The following AFAP1L1 variants were observed in gnomAD, a reference collection of about 807,000 sequenced individuals.
The protein encoded by AFAP1L1 is actin filament associated protein 1 like 1, also known as actin filament-associated protein 1-like 1.
In AFAP1L1, 77 loss-of-function variants were observed where a neutral mutation model predicts 99.8. The ratio of observed to expected loss-of-function variants is 0.77; its 90% confidence interval spans 0.64 to 0.93. The LOEUF (loss-of-function observed/expected upper bound fraction) is 0.93, where lower values mean the gene tolerates loss of function less well. Ranked by LOEUF, AFAP1L1 falls within the 40% of genes least tolerant of loss-of-function variation. AFAP1L1 has a pLI of 0.00. For missense variants in AFAP1L1, 893 were observed against 996.8 expected (o/e 0.90, Z 1.40); for synonymous variants, 373 against 395.3 (o/e 0.94, Z 0.67).
At position 149,329,713 on chromosome 5, in the gene AFAP1L1, C is replaced by T. The variant is rs146466860; in HGVS notation, c.1858C>T (p.Arg620Trp). 2.7e-4 allele frequency: 430 copies of T among 1,613,804 alleles called. No individual in the cohort carries two copies. Among genetic ancestry groups the T allele is most frequent in the Non-Finnish European group, 3.4e-4 (399 of 1,179,996 alleles). ...CAAGAACCGAGCCGAGGAGGATGCC[C>T]GGAGGTACTTGGTAGAAAAAGAGAA... ...YGKNRAEEDARRYLVEKEKLE... is the reference protein window; with the variant it reads ...YGKNRAEEDAWRYLVEKEKLE... The change falls in exon 16 of 19, where the codon CGG (arginine) becomes TGG (tryptophan). Residue 620 changes from arginine to tryptophan, a missense_variant. Physicochemically the swap from Arg to Trp is moderately radical, Grantham distance 101. Coordinates refer to ENST00000296721, the MANE Select transcript of AFAP1L1 (RefSeq NM_152406.4).
chr5:149,285,641 C>G (rs1020081617), intron 1 of AFAP1L1, among the ~76,000 whole-genome samples: 1 of 152,162 alleles, frequency 6.6e-6, no homozygotes, highest in African/African-American at 2.4e-5. Flanking sequence ...CTCCATCCCT[C>G]TTGAAAGGGA....
At chr5:149,313,072 G>C (rs2127597749) in intron 9 of AFAP1L1, among the ~76,000 whole-genome samples, 1 of 151,680 alleles carries the variant, frequency 6.6e-6, no homozygotes, top group African/African-American at 2.4e-5. Flanking sequence ...GTTGTGGTGA[G>C]CCGAGATTGT....
chr5:149,291,520 G>A (rs548154168), intron 1 of AFAP1L1, among the ~76,000 whole-genome samples: 32 of 61,936 alleles, frequency 5.2e-4, no homozygotes, highest in African/African-American at 1.5e-3. Flanking sequence ...GCGTGACTCC[G>A]TCTCAAAAAA....
Position 149,290,089 on chromosome 5 carries a change from C to T in AFAP1L1, c.17-9420C>T, listed in dbSNP as rs986392800. On this transcript the variant is annotated intron_variant, in intron 1 of 18. Transcript: ENST00000296721. Reference sequence around the variant, plus strand: ...TCTACTAAAAATACAAAAAATTAGCCGGGCGTGGTAGCGCACGCCTGTAGT... The same window carrying T: ...TCTACTAAAAATACAAAAAATTAGCTGGGCGTGGTAGCGCACGCCTGTAGT... Among the ~76,000 whole-genome samples, 8 of 152,084 alleles carry T rather than the reference C, an allele frequency of 5.3e-5. No individual in the cohort carries two copies. In the South Asian group the frequency reaches 1.0e-3, roughly 20 times the overall value.
intron 7 of AFAP1L1, among the ~76,000 whole-genome samples, chr5:149,307,858 T>TCTCTCTCTCTCTCTC (rs1561672922): frequency 2.7e-4 from 3 of 11,200 alleles, no homozygotes; most frequent in East Asian, 4.0e-3. Flanking sequence ...CTCTCTCTCT[T>TCTCTCTCTCTCTCTC]AAATTTAAAG....
At chr5:149,309,843 G>A (rs1756557606) in intron 7 of AFAP1L1, 113 bp from the exon 8 acceptor site, 3 of 1,324,456 alleles carry the variant, frequency 2.3e-6, no homozygotes, top group Middle Eastern at 2.2e-4. Context: ...GCTAGGCTGG[G>A]TGGGGGAGGT....
chr5:149,303,761 G>A (rs1011132307), intron 5 of AFAP1L1, among the ~76,000 whole-genome samples: 14 of 151,970 alleles, frequency 9.2e-5, no homozygotes, highest in South Asian at 2.1e-4. Flanking sequence ...ATTTTCCTGC[G>A]GGAAATTAAT....
rs1757538672 is a variant in AFAP1L1 at position 149,340,707 on chromosome 5, A to T, written c.*677A>T. The T allele has an allele frequency of 6.6e-6, 1 of 152,222 alleles. No homozygotes were observed. Among genetic ancestry groups the T allele is most frequent in the Admixed American group, 6.5e-5 (1 of 15,274 alleles). 9.4% of individuals were successfully genotyped at this position (152,222 alleles called of 1,614,324 possible). A position where few individuals can be genotyped will look rare whatever the true frequency, so the allele number is the denominator to read the frequency against. On this transcript the variant is annotated 3_prime_UTR_variant, in exon 19 of 19. Coordinates refer to ENST00000296721, the MANE Select transcript of AFAP1L1 (RefSeq NM_152406.4). ...GCTCTGAATACACAAAAGGAAAGAG[A>T]AATGGAGCAGCTGACATATTTTAAG... is the stretch of plus-strand genomic sequence containing the variant.
chr5:149,319,859 T>C, intron 13 of AFAP1L1, 132 bp downstream of exon 13: 1 of 1,300,824 alleles, frequency 7.7e-7, no homozygotes, highest in Non-Finnish European at 1.1e-6. Context: ...CTTGGTAAGC[T>C]GGAATGAGTG....
In AFAP1L1 at chr5:149,330,921, T is replaced by A. The variant is rs1043131536; in HGVS notation, c.1975+1091T>A. 1.0e-3 allele frequency among the ~76,000 whole-genome samples: 152 copies of A among 152,254 alleles called. 1 individual carries two copies. The highest frequency in any genetic ancestry group is 3.0e-3 in the African/African-American group (126 of 41,548). On this transcript the variant is annotated intron_variant, in intron 16 of 18. Transcript: ENST00000296721. ...ATGCCTGATACATGGTAAGCATTTT[T>A]AAAAAAAATTTTTTTTTAATTTTTG...
rs1757519104 is a variant in AFAP1L1 at position 149,340,023 on chromosome 5, A to C, written c.2300A>C (p.Lys767Thr). ...LQKAKEWEMK[K>T]T ...GTGCTTCAGGAATGGGAAATGAAGAAGACCTAGGAAGAGGATGAGGATTTC... is the reference window on the plus strand; with the variant it reads ...GTGCTTCAGGAATGGGAAATGAAGACGACCTAGGAAGAGGATGAGGATTTC... The change falls in exon 19 of 19, where the codon AAG (lysine) becomes ACG (threonine). Residue 767 changes from lysine (K) to threonine (T), a missense_variant. Coordinates refer to ENST00000296721, the MANE Select transcript of AFAP1L1 (RefSeq NM_152406.4). The C allele has an allele frequency of 1.2e-6, 2 of 1,614,080 alleles. No homozygotes were observed. Among genetic ancestry groups the C allele is most frequent in the African/African-American group, 1.3e-5 (1 of 75,044 alleles).
intron 1 of AFAP1L1, among the ~76,000 whole-genome samples, chr5:149,286,461 A>G (rs1407672305): frequency 2.0e-5 from 3 of 152,222 alleles, no homozygotes; most frequent in African/African-American, 7.2e-5. Flanking sequence ...GAATAGAACA[A>G]AGCCAACCAC....
chr5:149,323,973 A>G (rs1757025987), intron 15 of AFAP1L1, among the ~76,000 whole-genome samples: 1 of 152,240 alleles, frequency 6.6e-6, no homozygotes, highest in African/African-American at 2.4e-5. Context: ...TCTTATATGA[A>G]AGCCCAGTTT....
At position 149,327,034 on chromosome 5, in the gene AFAP1L1, A is replaced by T. The variant is rs111421768; in HGVS notation, c.1811-2632A>T. Among the ~76,000 whole-genome samples, 429 of 152,368 alleles carry T rather than the reference A, an allele frequency of 2.8e-3. 2 individuals are homozygous for T. Among genetic ancestry groups the T allele is most frequent in the African/African-American group, 9.6e-3 (398 of 41,582 alleles). On this transcript the variant is annotated intron_variant, in intron 15 of 18. Coordinates refer to ENST00000296721, the MANE Select transcript of AFAP1L1 (RefSeq NM_152406.4). ...ATATTCTCGAAAATGACCAGTTTTC[A>T]ACAAAAATTTATGACACACATGAAG... is the stretch of plus-strand genomic sequence containing the variant.
intron 15 of AFAP1L1, among the ~76,000 whole-genome samples, chr5:149,325,044 G>A (rs1757056317): frequency 6.6e-6 from 1 of 152,206 alleles, no homozygotes; most frequent in Admixed American, 6.5e-5. Context: ...AGGCCAAGTA[G>A]ATGATTGCTG....
intron 1 of AFAP1L1, among the ~76,000 whole-genome samples, chr5:149,292,770 G>A (rs912239948): frequency 2.0e-5 from 3 of 152,174 alleles, no homozygotes; most frequent in Non-Finnish European, 4.4e-5. Flanking sequence ...ATAAACTGGA[G>A]ACATAGAGAC....
intron 15 of AFAP1L1, among the ~76,000 whole-genome samples, chr5:149,327,852 G>A (rs1274000617): frequency 6.6e-6 from 1 of 152,030 alleles, no homozygotes; most frequent in Non-Finnish European, 1.5e-5. Flanking sequence ...AGAAGAGAGA[G>A]AGAGACAGAC....
intron 12 of AFAP1L1, among the ~76,000 whole-genome samples, chr5:149,319,157 A>G (rs1374548342): frequency 6.6e-6 from 1 of 152,230 alleles, no homozygotes; most frequent in African/African-American, 2.4e-5. Flanking sequence ...TATACACAGT[A>G]TTGTACTTAT....
chr5:149,306,510 A>C (rs1361146449), intron 6 of AFAP1L1, 106 bp downstream of exon 6: 20 of 1,060,366 alleles, frequency 1.9e-5, no homozygotes, highest in Non-Finnish European at 2.6e-5. Flanking sequence ...CCCCTCACCC[A>C]GACCATGGTC....
Sources: allele counts gnomAD v4.1 joint callset (sites outside exome capture counted in the v4.1 genomes callset), GRCh38; gene constraint gnomAD v4.1.1; transcripts MANE v1.5; gene names NCBI Gene and HGNC (gene_info 2026-07-23, HGNC 2026-07-21).